The following CENPF variants were observed in gnomAD, a reference collection of about 807,000 sequenced individuals.
CENPF encodes centromere protein F.
In CENPF, 214 loss-of-function variants were observed where a neutral mutation model predicts 307.3. The ratio of observed to expected loss-of-function variants is 0.70; its 90% CI spans 0.62 to 0.78. CENPF has a LOEUF of 0.78. Among genes scored for constraint, CENPF ranks in the 30% least tolerant of loss-of-function variants. The probability of loss-of-function intolerance (pLI) is 0.00; values close to 1 mark genes in which losing one functional copy is unlikely to be tolerated. For synonymous variants in CENPF, 1,259 were observed against 1,270.6 expected, an observed-to-expected ratio of 0.99 and a Z score of 0.19; for missense variants, 3,401 against 3,483.9, an observed-to-expected ratio of 0.98 and a Z score of 0.60.
At chr1:214,628,176 A>T (rs1331201481) in intron 7 of CENPF, among the ~76,000 whole-genome samples, 1 of 152,206 alleles carries the variant, frequency 6.6e-6, no homozygotes, top group Non-Finnish European at 1.5e-5. Context: ...ATATACTCTT[A>T]TATGAATTAG....
rs191001139 is a variant in CENPF, at chr1:214,657,710, C to T, written c.8962+301C>T. Among the ~76,000 whole-genome samples, 526 of 152,316 alleles carry T rather than the reference C, an allele frequency of 3.5e-3. 2 individuals are homozygous for T. Among genetic ancestry groups the T allele is most frequent in the African/African-American group, 0.012 (497 of 41,576 alleles). ...AAATTAAGGACTCCCGTCAGCGTTT[C>T]CTACCCGTTGGTCATGTCTGACCTA... On this transcript the variant is annotated intron_variant, in intron 18 of 19. Coordinates refer to ENST00000366955, the MANE Select transcript of CENPF (RefSeq NM_016343.4).
chr1:214,653,734 T>C (rs1223328588), intron 16 of CENPF: 1 of 152,236 alleles, frequency 6.6e-6, no homozygotes, highest in Non-Finnish European at 1.5e-5. Flanking sequence ...AAATTTATTA[T>C]GTTTATGGCT....
Position 214,645,065 on chromosome 1 carries a change from T to C in CENPF, c.5495T>C (p.Val1832Ala). 4 of 1,613,682 alleles carry C rather than the reference T, an allele frequency of 2.5e-6. No homozygotes were observed. Among genetic ancestry groups the C allele is most frequent in the Non-Finnish European group, 3.4e-6 (4 of 1,179,924 alleles). Residue 1832 changes from valine (V) to alanine (A), a missense_variant, in exon 13 of 20, where the codon GTT becomes GCT. Physicochemically the swap from Val to Ala is moderately conservative, Grantham distance 64 (BLOSUM62 0). Coordinates refer to ENST00000366955, the MANE Select transcript of CENPF (RefSeq NM_016343.4). Reference protein sequence around the residue: ...IEACIELEKIVGELKKENSDL... With the variant: ...IEACIELEKIAGELKKENSDL... ...GCATGCATAGAATTGGAAAAAATAG[T>C]TGGGGAACTTAAGAAAGAAAACTCA...
Position 214,642,350 on chromosome 1 carries a change from G to A in CENPF, c.4012G>A (p.Glu1338Lys), listed in dbSNP as rs779998127. The change falls in exon 12 of 20, where the codon GAG becomes AAG. Residue 1338 changes from glutamate (E) to lysine (K), a missense_variant. Transcript: ENST00000366955. ...CACAGCAACTAGGAAAATGGCAGAA[G>A]AGGTAGGGAAACTACTAAATGAAGT... ...CITATRKMAE[E>K]VGKLLNEVKI... 1 of 1,613,566 alleles carries A rather than the reference G, an allele frequency of 6.2e-7. No individual in the cohort carries two copies. The highest frequency in any genetic ancestry group is 1.7e-5 in the Admixed American group (1 of 59,922).
intron 5 of CENPF, among the ~76,000 whole-genome samples, chr1:214,620,257 A>G (rs1169756193): frequency 6.6e-6 from 1 of 152,190 alleles, no homozygotes; most frequent in East Asian, 1.9e-4. Context: ...CTTTAGTGTG[A>G]TGTTTAACTT....
At chr1:214,637,840 AT>A in intron 10 of CENPF, 25 bp from the exon 11 acceptor site, 1 of 1,598,496 alleles carries the variant, frequency 6.3e-7, no homozygotes, top group Non-Finnish European at 8.5e-7. Flanking sequence ...CGTTTTGGCT[AT>A]AACCAATTAA....
intron 10 of CENPF, among the ~76,000 whole-genome samples, chr1:214,636,205 T>A (rs1558180289): frequency 6.6e-6 from 1 of 152,194 alleles, no homozygotes. Flanking sequence ...GTTTGTCCTT[T>A]CACATCTGTG....
At chr1:214,607,239 C>A (rs1334882551) in intron 1 of CENPF, among the ~76,000 whole-genome samples, 1 of 152,256 alleles carries the variant, frequency 6.6e-6, no homozygotes, top group African/African-American at 2.4e-5. Context: ...GAACAGGACA[C>A]ATCCCCAGTG....
rs1441180612 is a variant in CENPF, at chr1:214,664,383, G to A, written c.*589G>A. On this transcript the variant is annotated 3_prime_UTR_variant, in exon 20 of 20. Coordinates refer to ENST00000366955, the MANE Select transcript of CENPF (RefSeq NM_016343.4). ...TGAAACCTGTACATATGTGTGTGTG[G>A]GTATGTGTTTATTTCCAGTGAGGGC... 6.6e-6 allele frequency: 1 copy of A among 152,318 alleles called. No individual in the cohort carries two copies. Among genetic ancestry groups the A allele is most frequent in the African/African-American group, 2.4e-5 (1 of 41,400 alleles). 9.4% of individuals were successfully genotyped at this position (152,318 alleles called of 1,614,324 possible). A position where few individuals can be genotyped will look rare whatever the true frequency, so the allele number is the denominator to read the frequency against.
Position 214,641,568 on chromosome 1 carries a change from C to A in CENPF, c.3230C>A (p.Ala1077Glu). ...AATGAGTTGGAACAGCTAAAGGAAG[C>A]ATTTGCAAAGGAACACCAAGAATTC... is the stretch of plus-strand genomic sequence containing the variant. ...RKNELEQLKE[A>E]FAKEHQEFLT... The change falls in exon 12 of 20, where the codon GCA becomes GAA. Residue 1077 changes from alanine to glutamate, a missense_variant. By Grantham distance (107) the Ala-to-Glu change is moderately radical. Coordinates refer to ENST00000366955, the MANE Select transcript of CENPF (RefSeq NM_016343.4). 1 of 1,530,640 alleles carries A rather than the reference C, an allele frequency of 6.5e-7. No homozygotes were observed. The highest frequency in any genetic ancestry group is 8.7e-7 in the Non-Finnish European group (1 of 1,145,082). The allele number at this position is 1,530,640 out of a possible 1,614,324, so 94.8% of individuals were successfully genotyped here. A position where few individuals can be genotyped will look rare whatever the true frequency, so the allele number is the denominator to read the frequency against.
intron 13 of CENPF, 72 bp downstream of exon 13, chr1:214,647,472 T>C (rs1484691967): frequency 1.4e-6 from 2 of 1,459,838 alleles, no homozygotes; most frequent in East Asian, 4.8e-5. Context: ...TTCTAGACAC[T>C]GTGAATTGTA....
chr1:214,619,312 T>C, intron 5 of CENPF, 92 bp downstream of exon 5: 1 of 670,090 alleles, frequency 1.5e-6, no homozygotes, highest in Non-Finnish European at 2.5e-6. Context: ...CTGTTTTACA[T>C]AGAGCTGGCC....
In CENPF at chr1:214,614,976, C is replaced by T; in HGVS notation, c.307C>T (p.Gln103Ter). ...GTCACAAGTGAATTTCCAGGAAGGA[C>T]AACTGAATTCAGGCAAAAAACAAAT... is the stretch of plus-strand genomic sequence containing the variant. ...KESQVNFQEGQLNSGKKQIEK... is the reference protein window; with the variant it reads ...KESQVNFQEG The change falls in exon 3 of 20, where the codon CAA (glutamine) becomes TAA (stop). Residue 103 changes from glutamine (Q) to a stop codon, truncating the protein, a stop_gained. Coordinates refer to ENST00000366955, the MANE Select transcript of CENPF (RefSeq NM_016343.4). LOFTEE classifies it high-confidence loss of function. The T allele has an allele frequency of 5.0e-6, 8 of 1,604,850 alleles. No individual in the cohort carries two copies. The highest frequency in any genetic ancestry group is 6.8e-6 in the Non-Finnish European group (8 of 1,177,258).
At position 214,632,483 on chromosome 1, in the gene CENPF, A is replaced by G. The variant is rs2102550148; in HGVS notation, c.1327A>G (p.Thr443Ala). 1 of 1,613,034 alleles carries G rather than the reference A, an allele frequency of 6.2e-7. No individual in the cohort carries two copies. The highest frequency in any genetic ancestry group is 2.2e-5 in the East Asian group (1 of 44,866). Residue 443 changes from threonine to alanine, a missense_variant, in exon 10 of 20, where the codon ACA becomes GCA. Thr to Ala is a moderately conservative substitution (Grantham distance 58). Coordinates refer to ENST00000366955, the MANE Select transcript of CENPF (RefSeq NM_016343.4). ...NVLQAELDKL[T>A]SVKQQLENNL... is the part of the protein sequence containing the mutation. The stretch of plus-strand genomic sequence containing the variant: ...TGGTCTCTTTTTCTTTTTGTAGCTC[A>G]CATCAGTAAAGCAACAGCTAGAAAA...
In CENPF at chr1:214,645,907, G is replaced by C; in HGVS notation, c.6337G>C (p.Glu2113Gln). 3 of 1,614,124 alleles carry C rather than the reference G, an allele frequency of 1.9e-6. No homozygotes were observed. The highest frequency in any genetic ancestry group is 2.5e-6 in the Non-Finnish European group (3 of 1,180,034). ...FALRLSSTQE[E>Q]VHQLRRGIEK... is the part of the protein sequence containing the mutation. ...ATTGAGGCTGAGCTCAACACAGGAG[G>C]AAGTGCATCAGCTGAGAAGAGGCAT... The change falls in exon 13 of 20, where the codon GAA becomes CAA. Residue 2113 changes from glutamate to glutamine, a missense_variant. Physicochemically the swap from Glu to Gln is conservative, Grantham distance 29. Transcript: ENST00000366955.
chr1:214,629,342 G>C (rs962188221), intron 8 of CENPF, among the ~76,000 whole-genome samples, 171 bp downstream of exon 8: 1 of 151,966 alleles, frequency 6.6e-6, no homozygotes, highest in Non-Finnish European at 1.5e-5. Context: ...TCACTTTTGC[G>C]CTTTTTTTAA....
chr1:214,649,274 C>T (rs1426272895), intron 14 of CENPF, among the ~76,000 whole-genome samples: 5 of 152,170 alleles, frequency 3.3e-5, no homozygotes, highest in African/African-American at 1.2e-4. Context: ...ATGTGGCACA[C>T]CTATAGCACT....
At chr1:214,655,978 A>G (rs1330787218) in intron 17 of CENPF, among the ~76,000 whole-genome samples, 1 of 152,202 alleles carries the variant, frequency 6.6e-6, no homozygotes, top group African/African-American at 2.4e-5. Flanking sequence ...CTAATGAGCC[A>G]TTCTAAGAAG....
Position 214,646,702 on chromosome 1 carries a change from C to T in CENPF, c.7132C>T (p.Gln2378Ter). 6.2e-7 allele frequency: 1 copy of T among 1,613,824 alleles called. No individual in the cohort carries two copies. Among genetic ancestry groups the T allele is most frequent in the Admixed American group, 1.7e-5 (1 of 59,962 alleles). ...TLKAKIEGMT[Q>*]SLRGLELDVV... ...AAAAGCAAAAATAGAAGGGATGACC[C>T]AAAGTCTGAGAGGTCTGGAATTAGA... Residue 2378 changes from glutamine (Q) to a stop codon, truncating the protein, a stop_gained, in exon 13 of 20, where the codon CAA becomes TAA. Coordinates refer to ENST00000366955, the MANE Select transcript of CENPF (RefSeq NM_016343.4). LOFTEE classifies it high-confidence loss of function.
Sources: gnomAD v4.1 joint callset for allele counts (sites outside exome capture counted in the v4.1 genomes callset) on GRCh38, gnomAD v4.1.1 for gene constraint, MANE v1.5 for transcripts, NCBI Gene and HGNC (gene_info 2026-07-23, HGNC 2026-07-21) for gene names.